STEEP1: variants seen among roughly 807,000 people sequenced by gnomAD.
STEEP1 encodes the protein STING ER exit protein.
STEEP1 carries 3 observed loss-of-function variants against 19.2 expected under a neutral mutation model. The ratio of observed to expected loss-of-function variants is 0.16; its 90% CI spans 0.07 to 0.40. The LOEUF is 0.40. Ranked by LOEUF, STEEP1 falls within the 10% of genes least tolerant of loss-of-function variation. The pLI is 0.99. For synonymous variants in STEEP1, 46 were observed against 63.7 expected, an observed-to-expected ratio of 0.72 and a Z score of 1.32; for missense variants, 54 against 177.1, an observed-to-expected ratio of 0.30 and a Z score of 3.94.
chrX:119,551,840 G>A (rs12853178), intron 2 of STEEP1, among the ~76,000 whole-genome samples: 1,564 of 109,993 alleles, frequency 0.014, 29 homozygotes, highest in African/African-American at 0.049. Context: ...ACAGGTTGAC[G>A]GCTTGGTCCC....
chrX:119,555,953 T>C (rs965151563), intron 2 of STEEP1, among the ~76,000 whole-genome samples: 2 of 111,599 alleles, frequency 1.8e-5, no homozygotes, highest in African/African-American at 6.5e-5. Flanking sequence ...CTGACTGCAA[T>C]GGCTTCAACA....
chrX:119,540,217 T>A, intron 6 of STEEP1, among the ~76,000 whole-genome samples: 1 of 112,617 alleles, frequency 8.9e-6, no homozygotes, highest in African/African-American at 3.2e-5. Context: ...AAATGGATAG[T>A]AAGCATTTAG....
chrX:119,549,645 G>A (rs1350232720), intron 2 of STEEP1, among the ~76,000 whole-genome samples: 11 of 112,209 alleles, frequency 9.8e-5, no homozygotes, highest in Non-Finnish European at 1.9e-4. Context: ...AAGCTGGGAA[G>A]CATAAGAGCA....
At chrX:119,562,860 G>T (rs1230096500) in intron 1 of STEEP1, among the ~76,000 whole-genome samples, 3 of 111,777 alleles carry the variant, frequency 2.7e-5, no homozygotes, top group African/African-American at 9.8e-5. Flanking sequence ...ATCAGGGAAG[G>T]GTTCTCTAAG....
Position 119,539,941 on chromosome X carries a change from C to T in STEEP1, c.607-152G>A, listed in dbSNP as rs748544983. 7.3e-5 allele frequency: 30 copies of T among 408,871 alleles called. No individual in the cohort carries two copies. The Admixed American group carries it at 1.2e-3, about 16-fold the overall frequency. 33.7% of individuals were successfully genotyped at this position (408,871 alleles called of 1,213,427 possible). ...AATCATTATATACCTCTAACATCTA[C>T]TTTCCAACCTTTCTGATGTTATAGC... On this transcript the variant is annotated intron_variant, in intron 6 of 6. Coordinates refer to ENST00000644802, the MANE Select transcript of STEEP1 (RefSeq NM_022101.4).
intron 2 of STEEP1, among the ~76,000 whole-genome samples, chrX:119,558,319 G>A (rs1166950895): frequency 9.0e-6 from 1 of 111,017 alleles, no homozygotes; most frequent in Non-Finnish European, 1.9e-5. Context: ...CAGACCACGA[G>A]GTCAGGAGAT....
intron 2 of STEEP1, among the ~76,000 whole-genome samples, chrX:119,546,262 G>A (rs925192522): frequency 8.2e-5 from 9 of 109,565 alleles, no homozygotes; most frequent in African/African-American, 3.0e-4. Flanking sequence ...CCAACATGGG[G>A]AAACTCCGTC....
Position 119,560,347 on chromosome X carries a change from G to C in STEEP1, c.163C>G (p.Arg55Gly). The C allele has an allele frequency of 8.3e-7, 1 of 1,208,077 alleles. No homozygotes were observed. The highest frequency in any genetic ancestry group is 3.0e-5 in the East Asian group (1 of 33,756). Residue 55 changes from arginine to glycine, a missense_variant, in exon 2 of 7, where the codon CGG becomes GGG. Arg to Gly is a moderately radical substitution (Grantham distance 125). Coordinates refer to ENST00000644802, the MANE Select transcript of STEEP1 (RefSeq NM_022101.4). ...TTGGCAGCATCAATCACACGGGACC[G>C]GTCCCGGGGCCTCATGGGCAATTTC... ...LEKLPMRPRD[R>G]SRVIDAAKHA...
Position 119,548,170 on chromosome X carries a change from TCAAA to T in STEEP1, c.243-2670_243-2667del, listed in dbSNP as rs199610154. ...CTGGACAACAGAGCAAGACCCTGTC[TCAAA>T]CAAACAAACAAACAAACAAAAAAAC... On this transcript the variant is annotated intron_variant, in intron 2 of 6. Coordinates refer to ENST00000644802, the MANE Select transcript of STEEP1 (RefSeq NM_022101.4). Among the ~76,000 whole-genome samples the T allele has an allele frequency of 1.5e-3, 162 of 107,253 alleles. 1 individual carries two copies. In the East Asian group the frequency reaches 0.019, roughly 13 times the overall value. 93.1% of individuals were successfully genotyped at this position (107,253 alleles called of 115,157 possible).
chrX:119,551,126 G>A lies in STEEP1; in HGVS notation c.243-5622C>T, dbSNP rs191310895. 3.6e-5 allele frequency among the ~76,000 whole-genome samples: 4 copies of A among 111,751 alleles called. No homozygotes were observed. In the East Asian group the frequency reaches 8.4e-4, roughly 23 times the overall value. On this transcript the variant is annotated intron_variant, in intron 2 of 6. Transcript: ENST00000644802. ...TATTTGCAAATCATATATATGATAAGGGACTAGTATGCATAACATAGAATT... is the reference window on the plus strand; with the variant it reads ...TATTTGCAAATCATATATATGATAAAGGACTAGTATGCATAACATAGAATT...
intron 1 of STEEP1, among the ~76,000 whole-genome samples, chrX:119,561,392 C>T (rs935025258): frequency 4.5e-5 from 5 of 110,837 alleles, no homozygotes; most frequent in Admixed American, 1.9e-4. Flanking sequence ...GGGCCAGGTG[C>T]GGTGGCTCAC....
chrX:119,547,958 G>A (rs912803740), intron 2 of STEEP1, among the ~76,000 whole-genome samples: 1 of 110,389 alleles, frequency 9.1e-6, no homozygotes, highest in Non-Finnish European at 1.9e-5. Context: ...GATTACTTGA[G>A]GCCAGCAGTT....
chrX:119,557,018 T>G (rs938184576), intron 2 of STEEP1, among the ~76,000 whole-genome samples: 1 of 108,469 alleles, frequency 9.2e-6, no homozygotes, highest in Admixed American at 1.0e-4. Flanking sequence ...TAGCCAGGCA[T>G]AGTGGTGCAC....
intron 2 of STEEP1, among the ~76,000 whole-genome samples, chrX:119,551,001 GA>G (rs2053238194): frequency 9.0e-6 from 1 of 111,046 alleles, no homozygotes; most frequent in Non-Finnish European, 1.9e-5. Context: ...AGCAATGGAA[GA>G]AAAAAATCAG....
At chrX:119,560,820 G>C (rs1403202870) in intron 1 of STEEP1, among the ~76,000 whole-genome samples, 1 of 111,043 alleles carries the variant, frequency 9.0e-6, no homozygotes, top group Non-Finnish European at 1.9e-5. Flanking sequence ...GGGAAAAGTG[G>C]GTATGTGCTA....
intron 2 of STEEP1, among the ~76,000 whole-genome samples, chrX:119,552,793 A>T (rs1393867112): frequency 1.8e-5 from 2 of 112,419 alleles, no homozygotes; most frequent in Non-Finnish European, 3.8e-5. Context: ...AATCTTGCAA[A>T]CATACTAAAA....
chrX:119,542,501 T>C lies in STEEP1; in HGVS notation c.513+4A>G, dbSNP rs372215708. On this transcript the variant is annotated splice_donor_region_variant and intron_variant, in intron 5 of 6. Transcript: ENST00000644802. ...CCAGTTTCCTTAAGACCAGAGACAC[T>C]TACAGCCTCAATCTCCTCTTCCTCT... The C allele has an allele frequency of 3.3e-5, 39 of 1,189,722 alleles. No individual in the cohort carries two copies. The highest frequency in any genetic ancestry group is 4.4e-5 in the Non-Finnish European group (39 of 877,249).
intron 4 of STEEP1, 155 bp from the exon 5 acceptor site, chrX:119,542,749 T>C: frequency 5.7e-6 from 2 of 348,514 alleles, no homozygotes; most frequent in Non-Finnish European, 1.0e-5. Context: ...TGCCAATGTT[T>C]TTATTTACAT....
Position 119,544,358 on chromosome X carries a change from T to C in STEEP1, c.418A>G (p.Lys140Glu), listed in dbSNP as rs1329101675. ...TCTCCTTCAATGGTAATTACCTTCT[T>C]AGGAGGCTCTTGTTTCTGAGTATAT... ...NIYTQKQEPP[K>E]KVMMTKRTKD... Residue 140 changes from lysine (K) to glutamate (E), a missense_variant, in exon 4 of 7, where the codon AAG (lysine) becomes GAG (glutamate). Coordinates refer to ENST00000644802, the MANE Select transcript of STEEP1 (RefSeq NM_022101.4). The C allele has an allele frequency of 1.7e-6, 2 of 1,205,424 alleles. No homozygotes were observed. The highest frequency in any genetic ancestry group is 2.2e-5 in the Admixed American group (1 of 45,915).
Sources: gnomAD v4.1 joint callset for allele counts (sites outside exome capture counted in the v4.1 genomes callset) on GRCh38, gnomAD v4.1.1 for gene constraint, MANE v1.5 for transcripts, NCBI Gene and HGNC (gene_info 2026-07-23, HGNC 2026-07-21) for gene names.